TP63: variants seen among roughly 807,000 people sequenced by gnomAD.
The protein encoded by TP63 is tumor protein 63.
TP63 carries 17 observed loss-of-function variants against 82.8 expected under a neutral mutation model. That is an observed-to-expected ratio of 0.21 (90% CI 0.14 to 0.31). The LOEUF (loss-of-function observed/expected upper bound fraction) is 0.31. Among genes scored for constraint, TP63 ranks in the 10% least tolerant of loss-of-function variants. The pLI is 1.00. For synonymous variants in TP63, 330 were observed against 321.7 expected, an observed-to-expected ratio of 1.03 and a Z score of -0.28; for missense variants, 648 against 895.3, an observed-to-expected ratio of 0.72 and a Z score of 3.52.
At chr3:189,614,255 TAGTG>T in the TP63 span, among the ~76,000 whole-genome samples, 2 of 152,190 alleles carry the variant, frequency 1.3e-5, no homozygotes, top group South Asian at 2.1e-4. Context: ...ATTCTCTTGA[TAGTG>T]AGTAAGTCTC....
intron 1 of TP63, among the ~76,000 whole-genome samples, chr3:189,650,079 A>G (rs1712763044): frequency 6.8e-6 from 1 of 146,748 alleles, no homozygotes. Flanking sequence ...AAAGTTGACC[A>G]ATGGAATAGT....
intron 4 of TP63, among the ~76,000 whole-genome samples, chr3:189,855,357 C>G (rs1201674719): frequency 6.6e-6 from 1 of 152,094 alleles, no homozygotes; most frequent in Non-Finnish European, 1.5e-5. Flanking sequence ...AAGCAGCTTA[C>G]TTAATTTAAA....
chr3:189,777,450 G>T (rs539901873), intron 3 of TP63, among the ~76,000 whole-genome samples: 1 of 152,016 alleles, frequency 6.6e-6, no homozygotes, highest in Admixed American at 6.6e-5. Context: ...ACCCGCCTCC[G>T]TCTCCCAAAA....
chr3:189,665,993 G>T (rs1375672718), intron 1 of TP63, among the ~76,000 whole-genome samples: 1 of 151,802 alleles, frequency 6.6e-6, no homozygotes, highest in Non-Finnish European at 1.5e-5. Context: ...TATAATAATG[G>T]GTACTGATGA....
At chr3:189,810,810 C>T (rs971071868) in intron 4 of TP63, among the ~76,000 whole-genome samples, 1 of 148,826 alleles carries the variant, frequency 6.7e-6, no homozygotes, top group Non-Finnish European at 1.5e-5. Context: ...GAGCTGAGAT[C>T]GCACCACTAC....
At chr3:189,754,961 C>CT (rs143354969) in intron 3 of TP63, among the ~76,000 whole-genome samples, 24,331 of 151,730 alleles carry the variant, frequency 0.16, 2,101 homozygotes, top group East Asian at 0.32. Flanking sequence ...AAGGCTGCTG[C>CT]TTTTTTTTAG....
intron 4 of TP63, among the ~76,000 whole-genome samples, chr3:189,854,756 T>C (rs1716082369): frequency 6.6e-6 from 1 of 152,080 alleles, no homozygotes; most frequent in Non-Finnish European, 1.5e-5. Flanking sequence ...GGGCTTATAT[T>C]AAAAACAAAC....
chr3:189,765,454 T>TTTTTTTTTTTTTTTTTTTTTTTTA (rs56223992), intron 3 of TP63, among the ~76,000 whole-genome samples: 1 of 135,590 alleles, frequency 7.4e-6, no homozygotes, highest in Admixed American at 7.9e-5. Flanking sequence ...TTTTTTTTTT[T>TTTTTTTTTTTTTTTTTTTTTTTTA]GAGACAGAGT....
intron 1 of TP63, among the ~76,000 whole-genome samples, chr3:189,654,295 A>C (rs1713139728): frequency 6.6e-6 from 1 of 152,054 alleles, no homozygotes; most frequent in African/African-American, 2.4e-5. Context: ...AAATGGCAGG[A>C]CTCATGGCAG....
At chr3:189,773,411 G>A (rs550798935) in intron 3 of TP63, among the ~76,000 whole-genome samples, 2 of 152,196 alleles carry the variant, frequency 1.3e-5, no homozygotes, top group Non-Finnish European at 2.9e-5. Context: ...AAGTAAAGTC[G>A]TGTTTAATAA....
chr3:189,653,823 T>A (rs1713095972), intron 1 of TP63, among the ~76,000 whole-genome samples: 1 of 152,198 alleles, frequency 6.6e-6, no homozygotes, highest in Admixed American at 6.5e-5. Flanking sequence ...TAAAGGTGCT[T>A]GTCTAGTTTT....
At chr3:189,731,081 G>A (rs1000412478) in intron 1 of TP63, among the ~76,000 whole-genome samples, 31 of 152,272 alleles carry the variant, frequency 2.0e-4, no homozygotes, top group African/African-American at 7.5e-4. Flanking sequence ...TCTGGCTCAC[G>A]CCTGTAATCC....
chr3:189,877,103 C>G (rs1719318530), intron 10 of TP63, among the ~76,000 whole-genome samples: 1 of 152,138 alleles, frequency 6.6e-6, no homozygotes, highest in African/African-American at 2.4e-5. Context: ...TTCGCGTTTA[C>G]CTTCATGATC....
chr3:189,762,167 T>G (rs1223068213), intron 3 of TP63, among the ~76,000 whole-genome samples: 1 of 152,200 alleles, frequency 6.6e-6, no homozygotes, highest in Non-Finnish European at 1.5e-5. Flanking sequence ...AGAGGAAAGA[T>G]CTAGTTAATG....
chr3:189,804,084 TG>T (rs201199613), intron 3 of TP63, among the ~76,000 whole-genome samples: 25 of 152,198 alleles, frequency 1.6e-4, no homozygotes, highest in Admixed American at 1.6e-3. Flanking sequence ...ATATGGGACA[TG>T]GGGGCTCTAT....
chr3:189,772,834 G>A (rs1284754810), intron 3 of TP63, among the ~76,000 whole-genome samples: 2 of 152,184 alleles, frequency 1.3e-5, no homozygotes, highest in East Asian at 3.8e-4. Flanking sequence ...AGAAGTGATT[G>A]ATATTGCAGA....
At chr3:189,887,988 C>G (rs1412681620) in intron 11 of TP63, among the ~76,000 whole-genome samples, 1 of 151,894 alleles carries the variant, frequency 6.6e-6, no homozygotes, top group Non-Finnish European at 1.5e-5. Flanking sequence ...TCCCGAATAG[C>G]TGGGATTACA....
At chr3:189,749,973 A>C (rs1345226680) in intron 3 of TP63, among the ~76,000 whole-genome samples, 2 of 151,906 alleles carry the variant, frequency 1.3e-5, no homozygotes, top group Non-Finnish European at 2.9e-5. Flanking sequence ...AATACAAAAA[A>C]ATTAGCCAGG....
intron 1 of TP63, among the ~76,000 whole-genome samples, chr3:189,678,058 C>G (rs554945692): frequency 6.6e-6 from 1 of 152,028 alleles, no homozygotes; most frequent in Non-Finnish European, 1.5e-5. Context: ...TGTCTGTTCA[C>G]TCTATATTTC....
Sources: allele counts gnomAD v4.1 joint callset (sites outside exome capture counted in the v4.1 genomes callset), GRCh38; gene constraint gnomAD v4.1.1; transcripts MANE v1.5; gene names NCBI Gene and HGNC (gene_info 2026-07-23, HGNC 2026-07-21).